Variants in SLC2A14 observed in about 807,000 individuals in gnomAD.
SLC2A14 encodes solute carrier family 2 member 14.
In SLC2A14, 13 loss-of-function variants were observed where a neutral mutation model predicts 43.0. That is an observed-to-expected ratio of 0.30 (90% CI 0.20 to 0.48). SLC2A14 has a LOEUF of 0.48. SLC2A14 is among the 20% of genes least tolerant of loss of function. The pLI is 0.99. For synonymous variants in SLC2A14, 190 were observed against 233.8 expected, an observed-to-expected ratio of 0.81 and a Z score of 1.71; for missense variants, 428 against 620.4, an observed-to-expected ratio of 0.69 and a Z score of 3.29.
At chr12:7,861,726 GC>G (rs1204649651) in intron 2 of SLC2A14, among the ~76,000 whole-genome samples, 2 of 152,050 alleles carry the variant, frequency 1.3e-5, no homozygotes, top group Admixed American at 1.3e-4. Context: ...ACTTTGAGGG[GC>G]TGAGGCAGCA....
chr12:7,847,262 A>G (rs1866547011), intron 2 of SLC2A14, among the ~76,000 whole-genome samples: 1 of 152,018 alleles, frequency 6.6e-6, no homozygotes, highest in African/African-American at 2.4e-5. Flanking sequence ...CAAAAAAGAA[A>G]AGAAAAGGAA....
chr12:7,823,460 C>A (rs184799924), intron 7 of SLC2A14, among the ~76,000 whole-genome samples: 1 of 151,940 alleles, frequency 6.6e-6, no homozygotes, highest in Admixed American at 6.5e-5. Flanking sequence ...CAGTGGCTCA[C>A]GCCTCTAATC....
chr12:7,878,994 A>C (rs1423590419), intron 1 of SLC2A14, among the ~76,000 whole-genome samples: 87 of 92,542 alleles, frequency 9.4e-4, no homozygotes, highest in East Asian at 2.2e-3. Context: ...AAAAAAAAAA[A>C]AAAAAAAAAA....
intron 7 of SLC2A14, among the ~76,000 whole-genome samples, chr12:7,827,102 T>TC (rs1177899962): frequency 7.1e-6 from 1 of 140,130 alleles, no homozygotes. Context: ...TTTCTCTTTC[T>TC]TTCTTTCTTT....
intron 2 of SLC2A14, among the ~76,000 whole-genome samples, chr12:7,835,462 G>A (rs1865372852): frequency 6.6e-6 from 1 of 152,194 alleles, no homozygotes; most frequent in Non-Finnish European, 1.5e-5. Flanking sequence ...TAGAATAATT[G>A]TCTGAGGTCG....
At position 7,849,283 on chromosome 12, in the gene SLC2A14, G is replaced by A. The variant is rs776885728; in HGVS notation, c.19-16469C>T. 2.6e-5 allele frequency among the ~76,000 whole-genome samples: 4 copies of A among 151,920 alleles called. No homozygotes were observed. In the South Asian group the frequency reaches 8.3e-4, roughly 32 times the overall value. ...TTTGGAAGATCGAGGTGGGAGGATT[G>A]CTTGAGTCCAGGAGTTCAAGACCAC... On this transcript the variant is annotated intron_variant, in intron 2 of 10. Transcript: ENST00000431042.
intron 1 of SLC2A14, among the ~76,000 whole-genome samples, chr12:7,887,203 C>T (rs758432041): frequency 2.6e-5 from 4 of 152,136 alleles, no homozygotes; most frequent in African/African-American, 7.2e-5. Flanking sequence ...TGAGCCACCG[C>T]GCCCGGCCAA....
chr12:7,887,756 C>G (rs1246742117), intron 1 of SLC2A14, among the ~76,000 whole-genome samples: 1 of 152,158 alleles, frequency 6.6e-6, no homozygotes, highest in Non-Finnish European at 1.5e-5. Flanking sequence ...AATCCTATCA[C>G]TTGATTTATT....
chr12:7,864,984 T>C (rs1420132905), intron 2 of SLC2A14, among the ~76,000 whole-genome samples: 4 of 152,300 alleles, frequency 2.6e-5, no homozygotes, highest in East Asian at 3.9e-4. Context: ...CTCGCTTTAT[T>C]GCATTTTGCT....
intron 9 of SLC2A14, 120 bp from the exon 10 acceptor site, chr12:7,818,154 G>A: frequency 1.1e-6 from 1 of 882,128 alleles, no homozygotes; most frequent in African/African-American, 1.7e-5. Context: ...AAGAGTGGCT[G>A]TGGAATCAAA....
At chr12:7,840,013 G>C (rs1164751889) in intron 2 of SLC2A14, 2 of 348,732 alleles carry the variant, frequency 5.7e-6, no homozygotes, top group Non-Finnish European at 1.1e-5. Flanking sequence ...TCGGGTGGCT[G>C]AGGTGGGAGG....
chr12:7,870,305 T>C (rs1040404826), intron 1 of SLC2A14, among the ~76,000 whole-genome samples: 2 of 152,148 alleles, frequency 1.3e-5, no homozygotes, highest in Non-Finnish European at 2.9e-5. Context: ...TGTCATAAAA[T>C]TCTGTGATTT....
intron 3 of SLC2A14, among the ~76,000 whole-genome samples, chr12:7,832,007 C>T (rs2120788341): frequency 6.6e-6 from 1 of 152,340 alleles, no homozygotes; most frequent in South Asian, 2.1e-4. Context: ...ACTCGGGAGG[C>T]TGAGGTAGGA....
At chr12:7,848,603 T>A (rs2376903) in intron 2 of SLC2A14, among the ~76,000 whole-genome samples, 8 of 150,794 alleles carry the variant, frequency 5.3e-5, no homozygotes, top group Non-Finnish European at 1.0e-4. Flanking sequence ...TCGCCCAGGC[T>A]GGAGTGCAAT....
chr12:7,874,090 C>T (rs1374369517), upstream of SLC2A14, among the ~76,000 whole-genome samples: 3 of 152,076 alleles, frequency 2.0e-5, no homozygotes, highest in Admixed American at 2.0e-4. Flanking sequence ...ACATGAGATA[C>T]CAATTCGTGC....
At chr12:7,839,192 G>A (rs1157471435) in intron 2 of SLC2A14, among the ~76,000 whole-genome samples, 2 of 146,102 alleles carry the variant, frequency 1.4e-5, no homozygotes, top group Admixed American at 1.4e-4. Context: ...ATCAAGGTAA[G>A]GCGATAAAGG....
chr12:7,828,023 T>C (rs1864645077), intron 6 of SLC2A14, among the ~76,000 whole-genome samples: 1 of 151,840 alleles, frequency 6.6e-6, no homozygotes, highest in Non-Finnish European at 1.5e-5. Flanking sequence ...GCCATTCTTT[T>C]ATTCCTTTAC....
In SLC2A14 at chr12:7,814,585, A is replaced by G. The variant is rs368615388; in HGVS notation, c.1276-51T>C. ...GGTTGATATAAAAATCTGGTCATTG[A>G]CAAATACAATTTCCTTCACATTCAT... On this transcript the variant is annotated intron_variant, in intron 10 of 10. Coordinates refer to ENST00000431042, the MANE Select transcript of SLC2A14 (RefSeq NM_001286234.2). 5 of 1,564,028 alleles carry G rather than the reference A, an allele frequency of 3.2e-6. No homozygotes were observed. The African/African-American group carries it at 6.9e-5, about 21-fold the overall frequency.
chr12:7,880,877 C>T (rs1393635056), intron 1 of SLC2A14, among the ~76,000 whole-genome samples: 1 of 151,290 alleles, frequency 6.6e-6, no homozygotes, highest in Non-Finnish European at 1.5e-5. Context: ...CGGTGGCTCA[C>T]GCCTGTAATC....
Sources: allele counts gnomAD v4.1 joint callset (sites outside exome capture counted in the v4.1 genomes callset), GRCh38; gene constraint gnomAD v4.1.1; transcripts MANE v1.5; gene names NCBI Gene and HGNC (gene_info 2026-07-23, HGNC 2026-07-21).